Variants in RHOBTB1 observed in about 807,000 individuals in gnomAD.
RHOBTB1 encodes rho-related BTB domain-containing protein 1.
Under a neutral mutation model 71.6 loss-of-function variants are expected in RHOBTB1, and 40 were observed. The observed-to-expected ratio is 0.56, with a 90% confidence interval of 0.43 to 0.73. RHOBTB1 has a LOEUF of 0.73. Among genes scored for constraint, RHOBTB1 ranks in the 30% least tolerant of loss-of-function variants. The pLI is 0.00. For missense variants in RHOBTB1, 797 were observed against 894.0 expected (o/e 0.89, Z 1.38); for synonymous variants, 319 against 334.9 (o/e 0.95, Z 0.52).
chr10:60,881,303 T>G (rs1447340359), intron 7 of RHOBTB1, among the ~76,000 whole-genome samples: 1 of 152,222 alleles, frequency 6.6e-6, no homozygotes, highest in African/African-American at 2.4e-5. Flanking sequence ...GAAAATGGAC[T>G]AATACAATTA....
At chr10:60,895,566 G>A (rs1020623046) in intron 4 of RHOBTB1, among the ~76,000 whole-genome samples, 7 of 152,074 alleles carry the variant, frequency 4.6e-5, no homozygotes, top group African/African-American at 1.4e-4. Flanking sequence ...CACCATGCCC[G>A]GCTAATTTTG....
intron 4 of RHOBTB1, among the ~76,000 whole-genome samples, chr10:60,897,622 C>G (rs1238155116): frequency 6.6e-6 from 1 of 152,206 alleles, no homozygotes; most frequent in Non-Finnish European, 1.5e-5. Context: ...GCCAAATGCC[C>G]TTCTCCAGTT....
chr10:60,947,774 T>C (rs2085285922), upstream of RHOBTB1, among the ~76,000 whole-genome samples: 1 of 152,230 alleles, frequency 6.6e-6, no homozygotes, highest in African/African-American at 2.4e-5. Context: ...ATTAATATTA[T>C]GAAAAACACT....
At position 60,877,932 on chromosome 10, in the gene RHOBTB1, G is replaced by A. The variant is rs779546152; in HGVS notation, c.1702C>T (p.Leu568=). 14 of 1,613,954 alleles carry A rather than the reference G, an allele frequency of 8.7e-6. No homozygotes were observed. The highest frequency in any genetic ancestry group is 1.2e-5 in the Non-Finnish European group (14 of 1,179,898). The change falls in exon 8 of 11, where the codon CTG becomes TTG. Residue 568 remains leucine (L), a synonymous_variant. Coordinates refer to ENST00000337910, the MANE Select transcript of RHOBTB1 (RefSeq NM_014836.5). ...ELIALANRFC[L]PHLVALAEQH... ...CCTGCAAGTGCAACCAAGTGTGGCA[G>A]GCAAAATCTGTTTGCCAAGGCAATT...
At chr10:60,937,281 T>C (rs141310719) in intron 2 of RHOBTB1, among the ~76,000 whole-genome samples, 61 of 152,126 alleles carry the variant, frequency 4.0e-4, no homozygotes, top group Admixed American at 5.2e-4. Flanking sequence ...GCAGATGAAA[T>C]GGGGAAATTG....
In RHOBTB1 at chr10:60,869,587, T is replaced by C. The variant is rs1383035958; in HGVS notation, c.*1895A>G. ...CAACACTAGTGGATATTATTGCTTATACCCCAAGTTCATTTATACATCCAT... is the reference window on the plus strand; with the variant it reads ...CAACACTAGTGGATATTATTGCTTACACCCCAAGTTCATTTATACATCCAT... On this transcript the variant is annotated 3_prime_UTR_variant, in exon 11 of 11. Transcript: ENST00000337910. 2.6e-5 allele frequency: 4 copies of C among 152,646 alleles called. No individual in the cohort carries two copies. 9.5% of individuals were successfully genotyped at this position (152,646 alleles called of 1,614,324 possible).
At chr10:60,895,561 T>C (rs1038354903) in intron 4 of RHOBTB1, among the ~76,000 whole-genome samples, 2 of 152,162 alleles carry the variant, frequency 1.3e-5, no homozygotes, top group Non-Finnish European at 2.9e-5. Flanking sequence ...TGTGCCACCA[T>C]GCCCGGCTAA....
intron 10 of RHOBTB1, chr10:60,871,940 ACT>A: frequency 8.2e-6 from 5 of 610,464 alleles, no homozygotes; most frequent in African/African-American, 1.9e-5. Flanking sequence ...CCACCTCTGC[ACT>A]CTCTGCAACA....
chr10:60,945,919 C>T (rs372180261), upstream of RHOBTB1, among the ~76,000 whole-genome samples: 18 of 152,200 alleles, frequency 1.2e-4, no homozygotes, highest in South Asian at 1.7e-3. Flanking sequence ...GTGGCTCACG[C>T]CTGTAATCCT....
intron 4 of RHOBTB1, among the ~76,000 whole-genome samples, chr10:60,907,394 CA>C (rs982145367): frequency 6.6e-6 from 1 of 151,876 alleles, no homozygotes; most frequent in East Asian, 1.9e-4. Context: ...CTTTCCTTGC[CA>C]AAAAAGAGCA....
chr10:60,945,722 C>G (rs567874221), upstream of RHOBTB1, among the ~76,000 whole-genome samples: 1 of 152,170 alleles, frequency 6.6e-6, no homozygotes, highest in African/African-American at 2.4e-5. Flanking sequence ...AAGTTATCAC[C>G]GGCAACCTCA....
At chr10:60,956,232 A>T (rs2085587666) in intron 2 of RHOBTB1, among the ~76,000 whole-genome samples, 1 of 152,200 alleles carries the variant, frequency 6.6e-6, no homozygotes, top group Non-Finnish European at 1.5e-5. Flanking sequence ...GTATCTAAAC[A>T]CAGAAAAGGT....
chr10:60,877,850 T>G, intron 8 of RHOBTB1, 58 bp downstream of exon 8: 1 of 1,517,152 alleles, frequency 6.6e-7, no homozygotes, highest in Non-Finnish European at 8.9e-7. Flanking sequence ...TATTTTTATT[T>G]AAATGTGATT....
At chr10:60,928,855 A>G (rs902704900) in intron 2 of RHOBTB1, among the ~76,000 whole-genome samples, 1 of 152,190 alleles carries the variant, frequency 6.6e-6, no homozygotes, top group Non-Finnish European at 1.5e-5. Flanking sequence ...CTGTTCTCAC[A>G]TTGCTATAAA....
intron 2 of RHOBTB1, among the ~76,000 whole-genome samples, chr10:60,941,106 A>G (rs577881873): frequency 6.6e-6 from 1 of 152,354 alleles, no homozygotes; most frequent in East Asian, 1.9e-4. Flanking sequence ...TATATGTGCT[A>G]GTAATTACCA....
chr10:60,966,809 G>A (rs1417721548), intron 2 of RHOBTB1, among the ~76,000 whole-genome samples: 1 of 150,934 alleles, frequency 6.6e-6, no homozygotes, highest in East Asian at 2.0e-4. Flanking sequence ...TTTACATTAG[G>A]TACATCTCCT....
At chr10:60,939,965 T>G (rs2084810577) in intron 2 of RHOBTB1, among the ~76,000 whole-genome samples, 1 of 152,210 alleles carries the variant, frequency 6.6e-6, no homozygotes. Context: ...CTTTATAGAT[T>G]TATGGTTGCT....
chr10:60,943,287 G>A (rs2085016096), intron 1 of RHOBTB1, among the ~76,000 whole-genome samples: 1 of 152,212 alleles, frequency 6.6e-6, no homozygotes, highest in African/African-American at 2.4e-5. Flanking sequence ...GCTAACAGTA[G>A]GATCTAATGA....
intron 2 of RHOBTB1, among the ~76,000 whole-genome samples, chr10:60,914,277 A>G (rs2083152619): frequency 6.6e-6 from 1 of 152,120 alleles, no homozygotes. Context: ...TGTCTGAGGC[A>G]TTTCTCAATT....
Sources: allele counts gnomAD v4.1 joint callset (sites outside exome capture counted in the v4.1 genomes callset), GRCh38; gene constraint gnomAD v4.1.1; transcripts MANE v1.5; gene names NCBI Gene and HGNC (gene_info 2026-07-23, HGNC 2026-07-21).